The following RANBP10 variants were observed in gnomAD, a reference collection of about 807,000 sequenced individuals.
RANBP10 encodes ran-binding protein 10.
A neutral mutation model predicts 72.8 loss-of-function variants in RANBP10; 24 were observed. The observed-to-expected ratio is 0.33, with a 90% CI of 0.24 to 0.46. The LOEUF is 0.46. Among genes scored for constraint, RANBP10 ranks in the 20% least tolerant of loss-of-function variants. The pLI is 1.00. For synonymous variants in RANBP10, 310 were observed against 322.3 expected (o/e 0.96, Z 0.41); for missense variants, 679 against 817.5 (o/e 0.83, Z 2.07).
rs1216409611 is a variant in RANBP10, at chr16:67,729,448, G to A, written c.1184C>T (p.Ser395Phe). The change falls in exon 10 of 14, where the codon TCC (serine) becomes TTC (phenylalanine). Residue 395 changes from serine (S) to phenylalanine (F), a missense_variant. Ser to Phe is a radical substitution (Grantham distance 155, BLOSUM62 -2). Coordinates refer to ENST00000317506, the MANE Select transcript of RANBP10 (RefSeq NM_020850.3). This position sits in a 1 kb window ranked among gnomAD's most constrained non-coding sequence, Gnocchi z 7.1. ...ACTGTGGTTCTGTTTGCTCTTGGTG[G>A]ACGCGACGCCATTGCTACAGCTGGG... ...DSPSCSNGVA[S>F]TKSKQNHSKY... 1 of 1,613,602 alleles carries A rather than the reference G, an allele frequency of 6.2e-7. No individual in the cohort carries two copies. Among genetic ancestry groups the A allele is most frequent in the South Asian group, 1.1e-5 (1 of 91,052 alleles).
At chr16:67,769,491 A>C (rs533118884) in intron 3 of RANBP10, among the ~76,000 whole-genome samples, 4 of 144,236 alleles carry the variant, frequency 2.8e-5, no homozygotes, top group African/African-American at 7.6e-5. Flanking sequence ...CACGCCTGTA[A>C]TCCCAGCACT....
At chr16:67,801,743 CT>C (rs2055237326) in intron 2 of RANBP10, among the ~76,000 whole-genome samples, 1 of 151,816 alleles carries the variant, frequency 6.6e-6, no homozygotes, top group African/African-American at 2.4e-5. Context: ...TCACTTGAGG[CT>C]AGGAGTTGGA....
intron 2 of RANBP10, among the ~76,000 whole-genome samples, chr16:67,781,151 G>C (rs774372081): frequency 2.0e-5 from 3 of 152,220 alleles, no homozygotes. Context: ...GCTGAAGGTG[G>C]ATGATGGGAC....
chr16:67,734,943 G>A lies in RANBP10; in HGVS notation c.691C>T (p.Arg231Trp), dbSNP rs1440405322. The change falls in exon 6 of 14, where the codon CGG becomes TGG. Residue 231 changes from arginine (R) to tryptophan (W), a missense_variant. Physicochemically the swap from Arg to Trp is moderately radical, Grantham distance 101 (BLOSUM62 -3). Transcript: ENST00000317506. ...CCCTGGACCTTGGCACGCCACTCCC[G>A]CATGTAGTCCTCAATGTCAAACAGG... is the stretch of plus-strand genomic sequence containing the variant. ...PFLFDIEDYM[R>W]EWRAKVQGTV... is the part of the protein sequence containing the mutation. 6 of 1,614,054 alleles carry A rather than the reference G, an allele frequency of 3.7e-6. No individual in the cohort carries two copies. Among genetic ancestry groups the A allele is most frequent in the East Asian group, 2.2e-5 (1 of 44,880 alleles).
chr16:67,769,462 A>AAAAAAAAAAAAAAGAT (rs1567699175), intron 3 of RANBP10, among the ~76,000 whole-genome samples: 1 of 136,798 alleles, frequency 7.3e-6, no homozygotes, highest in Non-Finnish European at 1.6e-5. Flanking sequence ...AAAAAAAAAA[A>AAAAAAAAAAAAAAGAT]GTGCTGGGCG....
intron 3 of RANBP10, among the ~76,000 whole-genome samples, chr16:67,765,335 T>C (rs1489809558): frequency 6.6e-6 from 1 of 151,494 alleles, no homozygotes; most frequent in African/African-American, 2.4e-5. Context: ...GAGACCAGCC[T>C]GACCAACATG....
At chr16:67,771,936 C>A in intron 3 of RANBP10, 98 bp downstream of exon 3, 3 of 1,419,826 alleles carry the variant, frequency 2.1e-6, no homozygotes, top group East Asian at 2.3e-5. Context: ...AGGCAGCTAG[C>A]AAACAAAGTC....
At chr16:67,766,436 T>C (rs1034611724) in intron 3 of RANBP10, among the ~76,000 whole-genome samples, 3 of 152,134 alleles carry the variant, frequency 2.0e-5, no homozygotes, top group African/African-American at 7.2e-5. Flanking sequence ...GAATGGAGCC[T>C]GGTGGGTGGG....
intron 2 of RANBP10, among the ~76,000 whole-genome samples, chr16:67,798,357 G>C (rs1426330123): frequency 6.6e-6 from 1 of 152,134 alleles, no homozygotes; most frequent in Non-Finnish European, 1.5e-5. Flanking sequence ...CTTGGTGAGG[G>C]GATCCAGGGT....
intron 2 of RANBP10, among the ~76,000 whole-genome samples, chr16:67,779,403 A>G (rs1418685565): frequency 6.6e-6 from 1 of 151,920 alleles, no homozygotes; most frequent in African/African-American, 2.4e-5. Context: ...TCTCAAAGAA[A>G]AAAAAAAAAA....
At chr16:67,775,790 TAAAAAAAAAAAAA>T (rs34379359) in intron 2 of RANBP10, among the ~76,000 whole-genome samples, 2 of 76,748 alleles carry the variant, frequency 2.6e-5, no homozygotes, top group South Asian at 4.4e-4. Context: ...AGACTCCGTC[TAAAAAAAAAAAAA>T]AAAAAAAAAA....
Position 67,726,292 on chromosome 16 carries a change from GA to G in RANBP10, c.*135del. 7.6e-7 allele frequency: 1 copy of G among 1,311,482 alleles called. No homozygotes were observed. The highest frequency in any genetic ancestry group is 1.5e-5 in the African/African-American group (1 of 68,696). 81.2% of individuals were successfully genotyped at this position (1,311,482 alleles called of 1,614,324 possible). A position where few individuals can be genotyped will look rare whatever the true frequency, so the allele number is the denominator to read the frequency against. ...GAAAGGAAGGAAGGAAGGAAAGGGA[GA>G]GGGGGAAAGGCCAGGCAGGAGGAGT... On this transcript the variant is annotated 3_prime_UTR_variant, in exon 14 of 14. Coordinates refer to ENST00000317506, the MANE Select transcript of RANBP10 (RefSeq NM_020850.3).
At position 67,771,925 on chromosome 16, in the gene RANBP10, T is replaced by C. The variant is rs1207038425; in HGVS notation, c.400+109A>G. The C allele has an allele frequency of 6.3e-6, 8 of 1,274,170 alleles. No individual in the cohort carries two copies. The Admixed American group carries it at 1.3e-4, about 21-fold the overall frequency. The allele number at this position is 1,274,170 out of a possible 1,614,324, so 78.9% of individuals were successfully genotyped here. On this transcript the variant is annotated intron_variant, in intron 3 of 13. Transcript: ENST00000317506. ...CTCCAACCAGTAGCATGGCTTGAGG[T>C]AGGCAGCTAGCAAACAAAGTCCTCC...
intron 4 of RANBP10, chr16:67,739,820 G>A (rs2053931224): frequency 6.6e-6 from 1 of 152,134 alleles, no homozygotes; most frequent in Non-Finnish European, 1.5e-5. Flanking sequence ...GCCAAGAGAA[G>A]TGGCTGCATT....
intron 3 of RANBP10, among the ~76,000 whole-genome samples, chr16:67,761,101 T>C (rs2054387846): frequency 6.6e-6 from 1 of 152,196 alleles, no homozygotes; most frequent in Non-Finnish European, 1.5e-5. Context: ...AGTTCTGACA[T>C]TTTTATTTTG....
intron 3 of RANBP10, among the ~76,000 whole-genome samples, chr16:67,750,251 CT>C (rs1171045692): frequency 6.6e-6 from 1 of 152,218 alleles, no homozygotes; most frequent in Non-Finnish European, 1.5e-5. Context: ...CCCAAATAGT[CT>C]TTCAGGAAGG....
At chr16:67,790,090 T>A in intron 2 of RANBP10, among the ~76,000 whole-genome samples, 1 of 150,812 alleles carries the variant, frequency 6.6e-6, no homozygotes, top group Non-Finnish European at 1.5e-5. Flanking sequence ...AATGAGACTC[T>A]GTCTCAAATT....
At chr16:67,744,020 C>T (rs2054019833) in intron 4 of RANBP10, 1 of 919,382 alleles carries the variant, frequency 1.1e-6, no homozygotes. Context: ...CTTGCTCCAA[C>T]AAGTGCCACC....
At chr16:67,754,047 T>C (rs1183150410) in intron 3 of RANBP10, among the ~76,000 whole-genome samples, 1 of 147,634 alleles carries the variant, frequency 6.8e-6, no homozygotes, top group African/African-American at 2.5e-5. Flanking sequence ...GGCAGGAGAA[T>C]GGCGTGAACC....
Sources: gnomAD v4.1 joint callset for allele counts (sites outside exome capture counted in the v4.1 genomes callset) on GRCh38, gnomAD v4.1.1 for gene constraint, Gnocchi (gnomAD v3.1) non-coding constraint, MANE v1.5 for transcripts, NCBI Gene and HGNC (gene_info 2026-07-23, HGNC 2026-07-21) for gene names.